The following KCNC2 variants were observed in gnomAD, a reference collection of about 807,000 sequenced individuals.
The protein encoded by KCNC2 is potassium voltage-gated channel subfamily C member 2, also known as voltage-gated potassium channel KCNC2.
Under a neutral mutation model 44.5 loss-of-function variants are expected in KCNC2, and 21 were observed. The observed-to-expected ratio is 0.47, with a 90% CI of 0.33 to 0.68. The LOEUF is 0.68. Ranked by LOEUF, KCNC2 falls within the 30% of genes least tolerant of loss-of-function variation. The pLI is 0.01. For missense variants in KCNC2, 589 were observed against 826.2 expected, an observed-to-expected ratio of 0.71 and a Z score of 3.52; for synonymous variants, 391 against 339.1, an observed-to-expected ratio of 1.15 and a Z score of -1.68.
chr12:75,161,776 A>C (rs1266098481), intron 2 of KCNC2, among the ~76,000 whole-genome samples: 1 of 151,668 alleles, frequency 6.6e-6, no homozygotes, highest in African/African-American at 2.4e-5. Context: ...TTTACTCTCA[A>C]TTTTCTCACT....
intron 2 of KCNC2, among the ~76,000 whole-genome samples, chr12:75,093,328 AC>A (rs1885648852): frequency 6.6e-6 from 1 of 151,538 alleles, no homozygotes; most frequent in African/African-American, 2.4e-5. Context: ...GTTTAATTCC[AC>A]AAAAAGAAAA....
At chr12:75,140,102 C>A (rs1889530306) in intron 2 of KCNC2, 1 of 152,172 alleles carries the variant, frequency 6.6e-6, no homozygotes, top group Non-Finnish European at 1.5e-5. Flanking sequence ...TGTGGTCAGT[C>A]ATGAGAGGGA....
chr12:75,177,842 T>C (rs1360390933), intron 2 of KCNC2, among the ~76,000 whole-genome samples: 1 of 152,002 alleles, frequency 6.6e-6, no homozygotes, highest in Non-Finnish European at 1.5e-5. Flanking sequence ...GGGATGAGCA[T>C]AATTTAAGAC....
At chr12:75,067,685 T>G (rs1882971296) in intron 2 of KCNC2, among the ~76,000 whole-genome samples, 1 of 152,218 alleles carries the variant, frequency 6.6e-6, no homozygotes. Context: ...AACTACCTGC[T>G]CTAAGTGTAG....
intron 2 of KCNC2, among the ~76,000 whole-genome samples, chr12:75,099,429 G>T (rs1022601062): frequency 2.0e-5 from 3 of 152,136 alleles, no homozygotes; most frequent in Admixed American, 2.0e-4. Flanking sequence ...CTTGACCACA[G>T]CCCTGTGAGA....
At chr12:75,191,938 T>C (rs1029407704) in intron 2 of KCNC2, among the ~76,000 whole-genome samples, 3 of 152,206 alleles carry the variant, frequency 2.0e-5, no homozygotes, top group African/African-American at 7.2e-5. Flanking sequence ...CTCTATAATA[T>C]TATAAATGAA....
chr12:75,158,052 C>T (rs1416760663), intron 2 of KCNC2, among the ~76,000 whole-genome samples: 1 of 151,834 alleles, frequency 6.6e-6, no homozygotes, highest in Non-Finnish European at 1.5e-5. Flanking sequence ...TCTTATAGCC[C>T]TTATTTATAC....
intron 2 of KCNC2, among the ~76,000 whole-genome samples, chr12:75,102,114 A>T (rs1886417415): frequency 6.6e-6 from 1 of 152,038 alleles, no homozygotes; most frequent in Admixed American, 6.6e-5. Context: ...AGTGTATGAA[A>T]CTCTTAGGCA....
In KCNC2 at chr12:75,078,588, C is replaced by A. The variant is rs75965526; in HGVS notation, c.688-27271G>T. Among the ~76,000 whole-genome samples, 1,962 of 152,206 alleles carry A rather than the reference C, an allele frequency of 0.013. 104 individuals are homozygous for A. In the East Asian group the frequency reaches 0.15, roughly 12 times the overall value. Reference sequence around the variant, plus strand: ...GCTGTGTACATGTATGAACTCATTTCATTTTTACAGAAACCCTATTTAGTG... The same window carrying A: ...GCTGTGTACATGTATGAACTCATTTAATTTTTACAGAAACCCTATTTAGTG... On this transcript the variant is annotated intron_variant, in intron 2 of 4. Transcript: ENST00000549446.
chr12:75,100,561 C>T, intron 2 of KCNC2, among the ~76,000 whole-genome samples: 2 of 152,082 alleles, frequency 1.3e-5, no homozygotes, highest in African/African-American at 4.8e-5. Flanking sequence ...AAACCTTTAA[C>T]TTTTCAAATG....
At chr12:75,069,789 A>G (rs1426502573) in intron 2 of KCNC2, among the ~76,000 whole-genome samples, 2 of 152,194 alleles carry the variant, frequency 1.3e-5, no homozygotes, top group Admixed American at 1.3e-4. Flanking sequence ...AATTTGATGC[A>G]GAGTTAATAT....
chr12:75,105,432 T>C (rs1565859187), intron 2 of KCNC2, among the ~76,000 whole-genome samples: 1 of 120,690 alleles, frequency 8.3e-6, no homozygotes, highest in Non-Finnish European at 1.8e-5. Flanking sequence ...GGCTTTTACT[T>C]TGAAAATAAT....
intron 2 of KCNC2, among the ~76,000 whole-genome samples, chr12:75,205,090 A>G (rs1485693723): frequency 2.0e-5 from 3 of 152,166 alleles, no homozygotes. Flanking sequence ...CTTATGCCGC[A>G]TTAAATCTCA....
At chr12:75,181,557 A>T (rs1593043702) in intron 2 of KCNC2, among the ~76,000 whole-genome samples, 2 of 152,304 alleles carry the variant, frequency 1.3e-5, no homozygotes, top group Non-Finnish European at 1.5e-5. Context: ...ACCTTCCTCC[A>T]ACAGCCTCTC....
chr12:75,136,053 T>G (rs914905685), intron 2 of KCNC2, among the ~76,000 whole-genome samples: 3 of 152,040 alleles, frequency 2.0e-5, no homozygotes, highest in African/African-American at 7.2e-5. Flanking sequence ...ATCCTTTTTT[T>G]CTTGGTATAT....
rs74110415 is a variant in KCNC2, at chr12:75,117,486, T to C, written c.688-66169A>G. The stretch of plus-strand genomic sequence containing the variant: ...TCGAAGAGTCCAATAAATGGCTTTA[T>C]AGTCAAAAGCTATTTTTCCACATCC... On this transcript the variant is annotated intron_variant, in intron 2 of 4. Coordinates refer to ENST00000549446, the MANE Select transcript of KCNC2 (RefSeq NM_139137.4). Among the ~76,000 whole-genome samples, 1,027 of 152,294 alleles carry C rather than the reference T, an allele frequency of 6.7e-3. 12 individuals are homozygous for C. Among genetic ancestry groups the C allele is most frequent in the African/African-American group, 0.023 (970 of 41,564 alleles).
chr12:75,207,696 G>C lies in KCNC2; in HGVS notation c.288C>G (p.Pro96=), dbSNP rs758529094. 1.3e-6 allele frequency: 2 copies of C among 1,595,144 alleles called. No individual in the cohort carries two copies. Among genetic ancestry groups the C allele is most frequent in the South Asian group, 1.1e-5 (1 of 89,046 alleles). The change falls in exon 2 of 5, where the codon CCC becomes CCG. Residue 96 remains proline, a synonymous_variant. Transcript: ENST00000549446. This position sits in a 1 kb window ranked among gnomAD's most constrained non-coding sequence, Gnocchi z 4.1. ...SSRGGRASDH[P]GGGREFFFDR... ...CGAAGAAGAACTCGCGGCCGCCACC[G>C]GGATGGTCGCTGGCCCTGCCGCCGC...
chr12:75,078,540 C>G (rs562904524), intron 2 of KCNC2, among the ~76,000 whole-genome samples: 1 of 152,254 alleles, frequency 6.6e-6, no homozygotes, highest in South Asian at 2.1e-4. Flanking sequence ...GGAGGCCTTA[C>G]TATACAAATA....
intron 2 of KCNC2, among the ~76,000 whole-genome samples, chr12:75,106,683 C>A (rs1240896143): frequency 6.6e-6 from 1 of 152,112 alleles, no homozygotes. Context: ...ATAAAAAACA[C>A]CACCACCACT....
Sources: gnomAD v4.1 joint callset for allele counts (sites outside exome capture counted in the v4.1 genomes callset) on GRCh38, gnomAD v4.1.1 for gene constraint, Gnocchi (gnomAD v3.1) non-coding constraint, MANE v1.5 for transcripts, NCBI Gene and HGNC (gene_info 2026-07-23, HGNC 2026-07-21) for gene names.